CDC14A: variants seen among roughly 807,000 people sequenced by gnomAD.
CDC14A encodes the protein dual specificity protein phosphatase CDC14A.
In CDC14A, 53 loss-of-function variants were observed where a neutral mutation model predicts 74.4. That is an observed-to-expected ratio of 0.71 (90% CI 0.57 to 0.89). The LOEUF (loss-of-function observed/expected upper bound fraction) is 0.89, where lower values mean the gene tolerates loss of function less well. Ranked by LOEUF, CDC14A falls within the 40% of genes least tolerant of loss-of-function variation. The probability of loss-of-function intolerance (pLI) is 0.00; values close to 1 mark genes in which losing one functional copy is unlikely to be tolerated. For synonymous variants in CDC14A, 247 were observed against 258.4 expected (o/e 0.96, Z 0.43); for missense variants, 646 against 713.7 (o/e 0.91, Z 1.08).
chr1:100,370,523 G>C (rs2100925300), intron 2 of CDC14A, among the ~76,000 whole-genome samples: 1 of 152,212 alleles, frequency 6.6e-6, no homozygotes, highest in African/African-American at 2.4e-5. Flanking sequence ...TCATTCTTTT[G>C]CATTTGGCTA....
chr1:100,353,047 C>T (rs374749413), intron 1 of CDC14A, 44 bp downstream of exon 1: 102 of 1,596,382 alleles, frequency 6.4e-5, no homozygotes, highest in Non-Finnish European at 7.8e-5. Context: ...TTCTTGCCCC[C>T]AACTCTTCAC....
chr1:100,346,683 T>A (rs1650459878), intron 1 of CDC14A, among the ~76,000 whole-genome samples: 1 of 151,766 alleles, frequency 6.6e-6, no homozygotes, highest in South Asian at 2.1e-4. Context: ...ATGGATAAAT[T>A]CTGTAAAATT....
chr1:100,395,202 G>C (rs1031774197), intron 4 of CDC14A, among the ~76,000 whole-genome samples: 5 of 152,080 alleles, frequency 3.3e-5, no homozygotes, highest in African/African-American at 1.2e-4. Flanking sequence ...GTAAAATTTG[G>C]ATAATACCTG....
intron 15 of CDC14A, 56 bp downstream of exon 15, chr1:100,499,318 C>T (rs1305654457): frequency 6.2e-7 from 1 of 1,614,080 alleles, no homozygotes; most frequent in Non-Finnish European, 8.5e-7. Context: ...AACTTCTGTG[C>T]CTTGCCTTCC....
chr1:100,452,743 G>A (rs1666275650), intron 7 of CDC14A, among the ~76,000 whole-genome samples: 1 of 152,014 alleles, frequency 6.6e-6, no homozygotes, highest in Non-Finnish European at 1.5e-5. Context: ...ATAGTATTTG[G>A]TAGGTAGTAG....
At chr1:100,352,073 G>C (rs1333293152), upstream of CDC14A, among the ~76,000 whole-genome samples, 3 of 151,880 alleles carry the variant, frequency 2.0e-5, no homozygotes, top group African/African-American at 4.8e-5. Context: ...GAGAATGAGA[G>C]AGAGAGAGAA....
intron 4 of CDC14A, among the ~76,000 whole-genome samples, chr1:100,405,555 G>A (rs192794041): frequency 1.3e-4 from 20 of 152,138 alleles, no homozygotes; most frequent in Non-Finnish European, 2.6e-4. Context: ...GAGGCACAGT[G>A]TGTGTTGTTC....
In CDC14A at chr1:100,506,573, G is replaced by A. The variant is rs1466215903; in HGVS notation, c.1755+7311G>A. ...TATGTAACTATAATTTAAGTTTCCA[G>A]TGTTAAATAGTAGTTTATGTTACTT... On this transcript the variant is annotated intron_variant, in intron 15 of 15. Coordinates refer to ENST00000336454, the MANE Select transcript of CDC14A (RefSeq NM_003672.4). Among the ~76,000 whole-genome samples, 6 of 152,288 alleles carry A rather than the reference G, an allele frequency of 3.9e-5. No homozygotes were observed. In the South Asian group the frequency reaches 1.2e-3, roughly 32 times the overall value.
At chr1:100,472,694 C>T (rs1480017603) in intron 10 of CDC14A, among the ~76,000 whole-genome samples, 2 of 151,968 alleles carry the variant, frequency 1.3e-5, no homozygotes, top group East Asian at 1.9e-4. Flanking sequence ...TATAGTTTTA[C>T]ATTCACATTT....
At chr1:100,483,640 A>T (rs1017262740) in intron 10 of CDC14A, among the ~76,000 whole-genome samples, 1 of 152,216 alleles carries the variant, frequency 6.6e-6, no homozygotes, top group Non-Finnish European at 1.5e-5. Context: ...TTTTGCTTAC[A>T]TATTTTAAAT....
chr1:100,393,410 G>A, intron 4 of CDC14A: 1 of 811,114 alleles, frequency 1.2e-6, no homozygotes, highest in South Asian at 1.3e-5. Context: ...ATGCAGTAAT[G>A]CCATTTTTTT....
At chr1:100,479,705 CTATT>C (rs1669263290) in intron 10 of CDC14A, among the ~76,000 whole-genome samples, 1 of 152,160 alleles carries the variant, frequency 6.6e-6, no homozygotes, top group African/African-American at 2.4e-5. Flanking sequence ...TGAGTTTACA[CTATT>C]TACTGAAAAT....
At chr1:100,370,658 C>T (rs1192569292) in intron 2 of CDC14A, among the ~76,000 whole-genome samples, 1 of 152,050 alleles carries the variant, frequency 6.6e-6, no homozygotes, top group Non-Finnish European at 1.5e-5. Flanking sequence ...TATAATGTTC[C>T]ATTGTTCTAT....
At chr1:100,485,014 G>A (rs1669883428) in intron 11 of CDC14A, 1 of 985,092 alleles carries the variant, frequency 1.0e-6, no homozygotes, top group Non-Finnish European at 1.2e-6. Flanking sequence ...TATCAGAGAT[G>A]TTCTAACCTC....
intron 5 of CDC14A, among the ~76,000 whole-genome samples, chr1:100,432,567 G>A (rs1439559274): frequency 1.3e-5 from 2 of 152,086 alleles, no homozygotes; most frequent in African/African-American, 2.4e-5. Flanking sequence ...AGGAGTTTGA[G>A]ATCAGCCTGG....
At chr1:100,485,735 T>G (rs568176342) in intron 11 of CDC14A, 1 of 152,272 alleles carries the variant, frequency 6.6e-6, no homozygotes, top group South Asian at 2.1e-4. Context: ...ATAGCTCTCT[T>G]AGGTTAATGA....
chr1:100,366,190 C>T (rs190437684), intron 2 of CDC14A, among the ~76,000 whole-genome samples: 20 of 152,216 alleles, frequency 1.3e-4, no homozygotes, highest in South Asian at 6.2e-4. Context: ...TGCCTTATAA[C>T]GATCTTATAG....
intron 3 of CDC14A, among the ~76,000 whole-genome samples, chr1:100,389,461 A>AT (rs201360899): frequency 0.095 from 13,985 of 147,720 alleles, 2,141 homozygotes; most frequent in African/African-American, 0.33. Flanking sequence ...CAAAAAAAAA[A>AT]AATATATATA....
At chr1:100,411,342 G>A (rs1190429862) in intron 4 of CDC14A, among the ~76,000 whole-genome samples, 1 of 151,906 alleles carries the variant, frequency 6.6e-6, no homozygotes, top group African/African-American at 2.4e-5. Flanking sequence ...CTCCATTTTT[G>A]TTTTTGTTTT....
Sources: gnomAD v4.1 joint callset for allele counts (sites outside exome capture counted in the v4.1 genomes callset) on GRCh38, gnomAD v4.1.1 for gene constraint, MANE v1.5 for transcripts, NCBI Gene and HGNC (gene_info 2026-07-23, HGNC 2026-07-21) for gene names.